Variants in GLMN observed in about 807,000 individuals in gnomAD.
The protein encoded by GLMN is glomulin, FKBP associated protein.
In GLMN, 75 loss-of-function variants were observed where a neutral mutation model predicts 87.8. The observed-to-expected ratio is 0.85, with a 90% CI of 0.71 to 1.04. GLMN has a LOEUF of 1.04. Among genes scored for constraint, GLMN ranks in the 50% least tolerant of loss-of-function variants. The pLI is 0.00. For missense variants in GLMN, 588 were observed against 658.8 expected (o/e 0.89, Z 1.18); for synonymous variants, 206 against 221.6 (o/e 0.93, Z 0.63).
At chr1:92,302,254 G>A (rs112170401), upstream of GLMN, among the ~76,000 whole-genome samples, 1,040 of 151,496 alleles carry the variant, frequency 6.9e-3, 12 homozygotes, top group African/African-American at 0.024. Flanking sequence ...TCCAGTCTGG[G>A]CAACAAGAGT....
the GLMN span, among the ~76,000 whole-genome samples, chr1:92,342,441 G>A: frequency 6.6e-6 from 1 of 152,174 alleles, no homozygotes; most frequent in African/African-American, 2.4e-5. Flanking sequence ...GTGTAGTACA[G>A]ACTGTATAGG....
Position 92,289,290 on chromosome 1 carries a change from T to TG in GLMN, c.395-140dup, listed in dbSNP as rs1237623095. ...TCAAGATGACACATCACAGTCTAAT[T>TG]GGCAGTGTTTTTTTCTTCTTAGTTG... On this transcript the variant is annotated intron_variant, in intron 5 of 18. Transcript: ENST00000370360. 3.3e-5 allele frequency: 24 copies of TG among 724,806 alleles called. No homozygotes were observed. The East Asian group carries it at 6.0e-4, about 18-fold the overall frequency. 44.9% of individuals were successfully genotyped at this position (724,806 alleles called of 1,614,324 possible).
chr1:92,337,253 A>G, the GLMN span, among the ~76,000 whole-genome samples: 1 of 152,236 alleles, frequency 6.6e-6, no homozygotes, highest in South Asian at 2.1e-4. Context: ...AGATTTTAGA[A>G]GTGTAAAATT....
At chr1:92,363,597 ATGGGTTTATGGGTT>A in the GLMN span, 1 of 163,588 alleles carries the variant, frequency 6.1e-6, no homozygotes, top group African/African-American at 2.4e-5. Context: ...CTTGAACAAC[ATGGGTTTATGGGTT>A]TGAACTGTGC....
Position 92,291,503 on chromosome 1 carries a change from C to T in GLMN, c.200G>A (p.Gly67Asp). ...ACACAAAAGGCATCGAACAACAGGA[C>T]CAACGAGATTCCAGCCCATATTCTT... ...IIKNMGWNLVGPVVRCLLCKD... is the reference protein window; with the variant it reads ...IIKNMGWNLVDPVVRCLLCKD... The change falls in exon 4 of 19, where the codon GGT becomes GAT. Residue 67 changes from glycine (G) to aspartate (D), a missense_variant. Physicochemically the swap from Gly to Asp is moderately conservative, Grantham distance 94. Coordinates refer to ENST00000370360, the MANE Select transcript of GLMN (RefSeq NM_053274.3). 1 of 1,612,932 alleles carries T rather than the reference C, an allele frequency of 6.2e-7. No homozygotes were observed. Among genetic ancestry groups the T allele is most frequent in the Non-Finnish European group, 8.5e-7 (1 of 1,178,934 alleles).
At chr1:92,370,538 A>T in the GLMN span, among the ~76,000 whole-genome samples, 2 of 152,332 alleles carry the variant, frequency 1.3e-5, no homozygotes, top group Non-Finnish European at 2.9e-5. Context: ...TATATGAGAA[A>T]CAGTGTCTAG....
At chr1:92,324,233 G>A in the GLMN span, 34 of 1,613,938 alleles carry the variant, frequency 2.1e-5, no homozygotes, top group Non-Finnish European at 2.8e-5. Context: ...CCTTTTAGGG[G>A]CTCAGGTACA....
At chr1:92,309,044 GCTCA>G in the GLMN span, among the ~76,000 whole-genome samples, 2 of 152,158 alleles carry the variant, frequency 1.3e-5, no homozygotes, top group South Asian at 2.1e-4. Context: ...TATTCAGAAT[GCTCA>G]CTGTTTCCCA....
chr1:92,325,083 T>C, the GLMN span, among the ~76,000 whole-genome samples: 2 of 152,182 alleles, frequency 1.3e-5, no homozygotes, highest in Admixed American at 1.3e-4. Context: ...CAGTAAATAG[T>C]ACCCATATGT....
the GLMN span, among the ~76,000 whole-genome samples, chr1:92,314,226 A>G: frequency 6.6e-6 from 1 of 152,146 alleles, no homozygotes; most frequent in Admixed American, 6.5e-5. Flanking sequence ...CACTAAGCTT[A>G]ATCATTTCTA....
chr1:92,290,288 A>G lies in GLMN; in HGVS notation c.304T>C (p.Leu102=), dbSNP rs767371310. The G allele has an allele frequency of 1.8e-5, 28 of 1,586,456 alleles. No individual in the cohort carries two copies. The African/African-American group carries it at 3.5e-4, about 20-fold the overall frequency. Residue 102 remains leucine (L), a synonymous_variant, in exon 5 of 19, where the codon TTA becomes CTA. Transcript: ENST00000370360. ...LLVKLCNPKE[L]LLGLLELIEE... is the part of the protein sequence containing the mutation. The stretch of plus-strand genomic sequence containing the variant: ...ATCAGTTCAAGCAAACCCAACAATA[A>G]TTCCTTTGGATTGCATAACTATAAA...
chr1:92,286,261 T>C (rs1648737834), intron 7 of GLMN, among the ~76,000 whole-genome samples: 2 of 150,146 alleles, frequency 1.3e-5, no homozygotes, highest in Admixed American at 1.3e-4. Context: ...GAAAAATTTA[T>C]ATATATGTAT....
the GLMN span, chr1:92,324,081 T>C: frequency 3.1e-6 from 5 of 1,613,934 alleles, no homozygotes; most frequent in South Asian, 5.5e-5. Context: ...GGTTTTTGTA[T>C]GGCCAGAATT....
chr1:92,305,167 T>C, the GLMN span, among the ~76,000 whole-genome samples: 18 of 151,220 alleles, frequency 1.2e-4, no homozygotes, highest in Admixed American at 1.1e-3. Context: ...GCGCCCTGGC[T>C]CAAGCCTGTA....
chr1:92,289,763 C>T (rs1461391559), intron 5 of GLMN, among the ~76,000 whole-genome samples: 3 of 152,160 alleles, frequency 2.0e-5, no homozygotes, highest in Non-Finnish European at 4.4e-5. Flanking sequence ...TCAGTAGTAG[C>T]TTTGCTATGC....
intron 16 of GLMN, among the ~76,000 whole-genome samples, chr1:92,251,689 C>T (rs887823650): frequency 1.1e-4 from 17 of 152,076 alleles, no homozygotes; most frequent in African/African-American, 4.1e-4. Flanking sequence ...AATTTGTATC[C>T]ATGAAAAACT....
chr1:92,264,316 AAAAAAC>A (rs1221069175), intron 14 of GLMN, among the ~76,000 whole-genome samples: 2 of 152,338 alleles, frequency 1.3e-5, no homozygotes, highest in African/African-American at 4.8e-5. Context: ...CCTGTCTCAA[AAAAAAC>A]AAAAACAAAA....
intron 16 of GLMN, among the ~76,000 whole-genome samples, chr1:92,257,046 C>T (rs960477022): frequency 2.0e-5 from 3 of 152,340 alleles, no homozygotes; most frequent in African/African-American, 4.8e-5. Flanking sequence ...TGATAAGCAA[C>T]TTTGGCAAAG....
chr1:92,299,758 G>A (rs1650669460), upstream of GLMN, among the ~76,000 whole-genome samples: 1 of 152,114 alleles, frequency 6.6e-6, no homozygotes, highest in Non-Finnish European at 1.5e-5. Context: ...ATTTACACAC[G>A]ATTGGACATA....
Sources: gnomAD v4.1 joint callset for allele counts (sites outside exome capture counted in the v4.1 genomes callset) on GRCh38, gnomAD v4.1.1 for gene constraint, MANE v1.5 for transcripts, NCBI Gene and HGNC (gene_info 2026-07-23, HGNC 2026-07-21) for gene names.